TBC1D22B: variants seen among roughly 807,000 people sequenced by gnomAD.
TBC1D22B encodes the protein TBC1 domain family member 22B.
A neutral mutation model predicts 69.1 loss-of-function variants in TBC1D22B; 32 were observed. The observed-to-expected ratio is 0.46, with a 90% confidence interval of 0.35 to 0.62. The LOEUF is 0.62. Among genes scored for constraint, TBC1D22B ranks in the 20% least tolerant of loss-of-function variants. TBC1D22B has a pLI of 0.00. For missense variants in TBC1D22B, 462 were observed against 630.9 expected (o/e 0.73, Z 2.87); for synonymous variants, 206 against 229.8 (o/e 0.90, Z 0.94).
At chr6:37,325,331 C>T (rs1222070297) in intron 12 of TBC1D22B, among the ~76,000 whole-genome samples, 1 of 152,074 alleles carries the variant, frequency 6.6e-6, no homozygotes, top group Non-Finnish European at 1.5e-5. Context: ...TTGGGAATCT[C>T]TTTCTGATAC....
intron 8 of TBC1D22B, among the ~76,000 whole-genome samples, chr6:37,310,256 A>T (rs1767863323): frequency 6.6e-6 from 1 of 150,468 alleles, no homozygotes; most frequent in South Asian, 2.1e-4. Flanking sequence ...AAACCTACAT[A>T]GTAAATGTTT....
chr6:37,301,520 T>C (rs1767571770), intron 8 of TBC1D22B, among the ~76,000 whole-genome samples: 1 of 152,258 alleles, frequency 6.6e-6, no homozygotes, highest in African/African-American at 2.4e-5. Flanking sequence ...TGGCTTCTTT[T>C]ACTTAGCGTA....
intron 7 of TBC1D22B, among the ~76,000 whole-genome samples, chr6:37,289,569 T>C (rs1767114397): frequency 6.6e-6 from 1 of 152,146 alleles, no homozygotes; most frequent in South Asian, 2.1e-4. Flanking sequence ...TACTTGGCCA[T>C]TGTTACAGCC....
rs543283234 is a variant in TBC1D22B at position 37,316,040 on chromosome 6, A to G, written c.1166-663A>G. 3.3e-5 allele frequency among the ~76,000 whole-genome samples: 5 copies of G among 152,338 alleles called. No homozygotes were observed. The South Asian group carries it at 1.0e-3, about 32-fold the overall frequency. ...TATAGGGTAGGAAACTGAGGACAGT[A>G]ATTTAGAAAACAATCCCACTAAGCA... On this transcript the variant is annotated intron_variant, in intron 10 of 12. Transcript: ENST00000373491.
intron 12 of TBC1D22B, among the ~76,000 whole-genome samples, chr6:37,330,208 T>C (rs1768540519): frequency 6.6e-6 from 1 of 150,594 alleles, no homozygotes; most frequent in Non-Finnish European, 1.5e-5. Flanking sequence ...ATGTTATAAA[T>C]ATTTTGTCCG....
Position 37,314,043 on chromosome 6 carries a change from A to C in TBC1D22B, c.1165+152A>C, listed in dbSNP as rs73423607. 1,426 of 702,416 alleles carry C rather than the reference A, an allele frequency of 2.0e-3. 25 individuals are homozygous for C. In the African/African-American group the frequency reaches 0.023, roughly 11 times the overall value. The allele number at this position is 702,416 out of a possible 1,614,324, so 43.5% of individuals were successfully genotyped here. ...GCTGGCAGCACCGGGATCCTTCCAC[A>C]TCTCAGCAGGAAGGTGAAGTGAGAA... On this transcript the variant is annotated intron_variant, in intron 10 of 12. Coordinates refer to ENST00000373491, the MANE Select transcript of TBC1D22B (RefSeq NM_017772.4).
intron 2 of TBC1D22B, among the ~76,000 whole-genome samples, chr6:37,272,276 G>C (rs1479499001): frequency 1.3e-5 from 2 of 151,764 alleles, no homozygotes; most frequent in Non-Finnish European, 2.9e-5. Flanking sequence ...TGTTGCCCAG[G>C]CTGGTCTTGA....
chr6:37,280,745 G>C (rs1227081068), intron 3 of TBC1D22B, among the ~76,000 whole-genome samples: 1 of 152,142 alleles, frequency 6.6e-6, no homozygotes, highest in African/African-American at 2.4e-5. Flanking sequence ...TAGGTAATAT[G>C]AGATTTACCT....
At chr6:37,305,479 C>G (rs988140515) in intron 8 of TBC1D22B, among the ~76,000 whole-genome samples, 6 of 151,692 alleles carry the variant, frequency 4.0e-5, no homozygotes, top group African/African-American at 1.5e-4. Flanking sequence ...ACAAGGGTAA[C>G]TACTTTACTG....
intron 7 of TBC1D22B, among the ~76,000 whole-genome samples, chr6:37,288,523 G>T (rs1581596138): frequency 6.6e-6 from 1 of 152,288 alleles, no homozygotes; most frequent in East Asian, 1.9e-4. Flanking sequence ...ACCAGCCTGA[G>T]CCTAGGAGTT....
intron 2 of TBC1D22B, among the ~76,000 whole-genome samples, chr6:37,275,966 C>CTT (rs149995165): frequency 1.4e-4 from 19 of 133,208 alleles, no homozygotes; most frequent in Admixed American, 8.2e-4. Context: ...TTCTTTTTTT[C>CTT]TTTTTTTTTT....
intron 2 of TBC1D22B, among the ~76,000 whole-genome samples, chr6:37,279,083 G>C (rs1371839282): frequency 1.3e-5 from 2 of 152,194 alleles, no homozygotes; most frequent in Non-Finnish European, 2.9e-5. Flanking sequence ...GAGCACATGG[G>C]ATATTTGGTG....
chr6:37,282,162 C>T, intron 3 of TBC1D22B, 23 bp from the exon 4 acceptor site: 1 of 1,613,324 alleles, frequency 6.2e-7, no homozygotes, highest in Non-Finnish European at 8.5e-7. Flanking sequence ...AGCCCGTTCT[C>T]TTTCTTTTTC....
chr6:37,270,278 C>T (rs1213993468), intron 2 of TBC1D22B, among the ~76,000 whole-genome samples: 1 of 151,822 alleles, frequency 6.6e-6, no homozygotes, highest in Non-Finnish European at 1.5e-5. Context: ...ATGGTGAAAC[C>T]CTGTCTCTGC....
intron 1 of TBC1D22B, among the ~76,000 whole-genome samples, chr6:37,268,373 C>T (rs1340424009): frequency 6.6e-6 from 1 of 152,086 alleles, no homozygotes; most frequent in Non-Finnish European, 1.5e-5. Context: ...AGGCTACAGA[C>T]GTGCAGCACC....
At chr6:37,302,736 C>T (rs1284665740) in intron 8 of TBC1D22B, among the ~76,000 whole-genome samples, 2 of 152,196 alleles carry the variant, frequency 1.3e-5, no homozygotes, top group East Asian at 1.9e-4. Flanking sequence ...GACTTGTGTC[C>T]GGTTCCCTAC....
At chr6:37,266,327 C>T (rs1766268867) in intron 1 of TBC1D22B, among the ~76,000 whole-genome samples, 2 of 152,284 alleles carry the variant, frequency 1.3e-5, no homozygotes, top group Admixed American at 1.3e-4. Flanking sequence ...CTTTCAGATA[C>T]ATAGACCTAA....
Position 37,313,099 on chromosome 6 carries a change from G to T in TBC1D22B, c.1089+75G>T, listed in dbSNP as rs1767969189. 3 of 1,200,792 alleles carry T rather than the reference G, an allele frequency of 2.5e-6. No individual in the cohort carries two copies. The East Asian group carries it at 7.0e-5, about 28-fold the overall frequency. 74.4% of individuals were successfully genotyped at this position (1,200,792 alleles called of 1,614,324 possible). A position where few individuals can be genotyped will look rare whatever the true frequency, so the allele number is the denominator to read the frequency against. Reference sequence around the variant, plus strand: ...CCAGCAGGGCTTTGGTTTCTTTCTTGCTCTTCTGTATCAGGCAGGACCACC... The same window carrying T: ...CCAGCAGGGCTTTGGTTTCTTTCTTTCTCTTCTGTATCAGGCAGGACCACC... On this transcript the variant is annotated intron_variant, in intron 9 of 12. Coordinates refer to ENST00000373491, the MANE Select transcript of TBC1D22B (RefSeq NM_017772.4).
intron 12 of TBC1D22B, among the ~76,000 whole-genome samples, chr6:37,319,533 T>G (rs1027049651): frequency 6.6e-6 from 1 of 152,214 alleles, no homozygotes; most frequent in African/African-American, 2.4e-5. Context: ...CCTAGAGATA[T>G]TCTTTACTGG....
Sources: allele counts gnomAD v4.1 joint callset (sites outside exome capture counted in the v4.1 genomes callset), GRCh38; gene constraint gnomAD v4.1.1; transcripts MANE v1.5; gene names NCBI Gene and HGNC (gene_info 2026-07-23, HGNC 2026-07-21).